The following FUT9 variants were observed in gnomAD, a reference collection of about 807,000 sequenced individuals.
FUT9 encodes the protein fucosyltransferase 9, also known as 4-galactosyl-N-acetylglucosaminide 3-alpha-L-fucosyltransferase 9.
Under a neutral mutation model 29.7 loss-of-function variants are expected in FUT9, and 15 were observed. The ratio of observed to expected loss-of-function variants is 0.51; its 90% CI spans 0.34 to 0.78. The LOEUF (loss-of-function observed/expected upper bound fraction) is 0.78. Ranked by LOEUF, FUT9 falls within the 30% of genes least tolerant of loss-of-function variation. FUT9 has a pLI of 0.01. For synonymous variants in FUT9, 169 were observed against 153.7 expected (o/e 1.10, Z -0.74); for missense variants, 319 against 425.4 (o/e 0.75, Z 2.20).
intron 2 of FUT9, among the ~76,000 whole-genome samples, chr6:96,196,882 T>C (rs979152753): frequency 6.6e-6 from 1 of 152,154 alleles, no homozygotes; most frequent in African/African-American, 2.4e-5. Flanking sequence ...GAAAATTTCA[T>C]GGCCAGTTCT....
chr6:96,084,993 T>C (rs1443236712), intron 1 of FUT9, among the ~76,000 whole-genome samples: 2 of 152,216 alleles, frequency 1.3e-5, no homozygotes, highest in African/African-American at 4.8e-5. Flanking sequence ...GAATAATTTC[T>C]ATCCACATTG....
chr6:96,040,984 T>A (rs1770449559), intron 1 of FUT9, among the ~76,000 whole-genome samples: 1 of 152,078 alleles, frequency 6.6e-6, no homozygotes, highest in South Asian at 2.1e-4. Context: ...CCTACATGTG[T>A]CTTTACCTGT....
At chr6:96,136,573 A>T (rs1772352626) in intron 2 of FUT9, among the ~76,000 whole-genome samples, 1 of 152,022 alleles carries the variant, frequency 6.6e-6, no homozygotes, top group Non-Finnish European at 1.5e-5. Flanking sequence ...TGTACCTAAC[A>T]TTGGCAATCC....
At chr6:96,114,767 T>C (rs1029130165) in intron 2 of FUT9, among the ~76,000 whole-genome samples, 3 of 152,172 alleles carry the variant, frequency 2.0e-5, no homozygotes, top group Admixed American at 6.5e-5. Flanking sequence ...TGCTTTGTTT[T>C]TGAGTTAAGA....
intron 1 of FUT9, among the ~76,000 whole-genome samples, chr6:96,078,405 C>CTGATTTTTTTTTTTTTTTTTT (rs1201729276): frequency 2.2e-5 from 1 of 45,226 alleles, no homozygotes; most frequent in South Asian, 7.5e-4. Context: ...TCATATTAGT[C>CTGATTTTTTTTTTTTTTTTTT]TTCTTTTTTT....
chr6:96,032,713 C>T (rs1386494006), intron 1 of FUT9, among the ~76,000 whole-genome samples: 2 of 151,406 alleles, frequency 1.3e-5, no homozygotes, highest in East Asian at 1.9e-4. Context: ...TTCAGAACTC[C>T]CTGTTCTTAA....
rs1773981098 is a variant in FUT9 at position 96,213,632 on chromosome 6, T to C, written c.*9397T>C. The C allele has an allele frequency of 1.8e-5, 3 of 167,020 alleles. No individual in the cohort carries two copies. The highest frequency in any genetic ancestry group is 2.1e-4 in the South Asian group (1 of 4,830). 10.3% of individuals were successfully genotyped at this position (167,020 alleles called of 1,614,324 possible). ...TTTATTGCTATTAACTTTCTGTGTA[T>C]GTATTATTGCGATGCAGACCCAATA... On this transcript the variant is annotated 3_prime_UTR_variant, in exon 3 of 3. Transcript: ENST00000302103.
intron 2 of FUT9, among the ~76,000 whole-genome samples, chr6:96,165,773 G>A (rs951729464): frequency 6.6e-6 from 1 of 152,060 alleles, no homozygotes; most frequent in Non-Finnish European, 1.5e-5. Context: ...GCACCACCAT[G>A]CCTGGTTAAT....
At chr6:96,078,405 C>CTGATTTTTTTTTTTTTTTTTTTTTT (rs1201729276) in intron 1 of FUT9, among the ~76,000 whole-genome samples, 1 of 45,192 alleles carries the variant, frequency 2.2e-5, no homozygotes, top group Non-Finnish European at 4.3e-5. Flanking sequence ...TCATATTAGT[C>CTGATTTTTTTTTTTTTTTTTTTTTT]TTCTTTTTTT....
chr6:96,021,262 G>T (rs905302273), intron 1 of FUT9, among the ~76,000 whole-genome samples: 4 of 151,264 alleles, frequency 2.6e-5, no homozygotes, highest in Non-Finnish European at 5.9e-5. Context: ...CTCTGACAGA[G>T]TTTTTTGTTG....
intron 1 of FUT9, among the ~76,000 whole-genome samples, chr6:96,042,591 G>C (rs1413494376): frequency 6.6e-6 from 1 of 152,044 alleles, no homozygotes; most frequent in Admixed American, 6.6e-5. Context: ...ATAAACTAGA[G>C]ATCAATATTT....
chr6:96,190,852 A>G (rs959259412), intron 2 of FUT9, among the ~76,000 whole-genome samples: 2 of 151,972 alleles, frequency 1.3e-5, no homozygotes, highest in African/African-American at 4.8e-5. Flanking sequence ...ATGGGTTCAA[A>G]CTTTCTCCTT....
intron 1 of FUT9, among the ~76,000 whole-genome samples, chr6:96,093,582 G>T (rs1771449511): frequency 6.6e-6 from 1 of 152,036 alleles, no homozygotes; most frequent in African/African-American, 2.4e-5. Context: ...GTATTAAGAA[G>T]TAGAATATTT....
intron 1 of FUT9, among the ~76,000 whole-genome samples, chr6:96,082,197 T>C (rs1374570153): frequency 6.6e-6 from 1 of 151,654 alleles, no homozygotes; most frequent in East Asian, 1.9e-4. Context: ...TGAGTTTGGA[T>C]TTTTTTTATT....
chr6:96,159,998 C>A (rs1310810081), intron 2 of FUT9, among the ~76,000 whole-genome samples: 1 of 152,042 alleles, frequency 6.6e-6, no homozygotes, highest in Non-Finnish European at 1.5e-5. Context: ...ATCAACGAAA[C>A]AAGAAATTAA....
chr6:96,059,250 T>C (rs779245254), intron 1 of FUT9, among the ~76,000 whole-genome samples: 6 of 152,168 alleles, frequency 3.9e-5, no homozygotes, highest in Non-Finnish European at 7.4e-5. Context: ...ATTTAGTACA[T>C]AGGACATATG....
chr6:96,103,112 A>T (rs1771616289), intron 1 of FUT9, among the ~76,000 whole-genome samples: 1 of 152,184 alleles, frequency 6.6e-6, no homozygotes, highest in South Asian at 2.1e-4. Flanking sequence ...AAATGCTTGA[A>T]TGGGGAGTAG....
At chr6:96,050,987 G>A (rs1481192337) in intron 1 of FUT9, among the ~76,000 whole-genome samples, 1 of 144,860 alleles carries the variant, frequency 6.9e-6, no homozygotes, top group Non-Finnish European at 1.5e-5. Context: ...GGCATTTGTG[G>A]CGTGGATCAT....
rs377379427 is a variant in FUT9 at position 96,183,421 on chromosome 6, A to G, written c.-8-19727A>G. Among the ~76,000 whole-genome samples, 9 of 152,104 alleles carry G rather than the reference A, an allele frequency of 5.9e-5. 1 individual carries two copies. Among genetic ancestry groups the G allele is most frequent in the South Asian group, 4.1e-4 (2 of 4,822 alleles). On this transcript the variant is annotated intron_variant, in intron 2 of 2. Transcript: ENST00000302103. Reference sequence around the variant, plus strand: ...TGACAGTTGGACTTCCTCTTTATCTATTTGGACGCCCTTTATTTCTTTCTC... The same window carrying G: ...TGACAGTTGGACTTCCTCTTTATCTGTTTGGACGCCCTTTATTTCTTTCTC...
Sources: gnomAD v4.1 joint callset for allele counts (sites outside exome capture counted in the v4.1 genomes callset) on GRCh38, gnomAD v4.1.1 for gene constraint, MANE v1.5 for transcripts, NCBI Gene and HGNC (gene_info 2026-07-23, HGNC 2026-07-21) for gene names.